Variants in ZC3H12B observed in about 807,000 individuals in gnomAD.
ZC3H12B encodes the protein probable ribonuclease ZC3H12B.
A neutral mutation model predicts 43.9 loss-of-function variants in ZC3H12B; 7 were observed. That is an observed-to-expected ratio of 0.16 (90% confidence interval 0.09 to 0.30). The LOEUF (loss-of-function observed/expected upper bound fraction) is 0.30, where lower values mean the gene tolerates loss of function less well. Ranked by LOEUF, ZC3H12B falls within the 10% of genes least tolerant of loss-of-function variation. ZC3H12B has a pLI of 1.00. For missense variants in ZC3H12B, 475 were observed against 670.2 expected (o/e 0.71, Z 3.22); for synonymous variants, 222 against 241.7 (o/e 0.92, Z 0.76).
the ZC3H12B span, among the ~76,000 whole-genome samples, chrX:65,217,196 G>A: frequency 8.9e-6 from 1 of 112,324 alleles, no homozygotes; most frequent in Non-Finnish European, 1.9e-5. Context: ...CAGCAAGCGT[G>A]CGTATCCAGG....
chrX:65,201,539 A>G, the ZC3H12B span, among the ~76,000 whole-genome samples: 1 of 109,680 alleles, frequency 9.1e-6, no homozygotes, highest in African/African-American at 3.3e-5. Context: ...TTGTGCCTCT[A>G]TCTTTTTCAG....
At chrX:65,466,891 T>C (rs1308789337) in intron 3 of ZC3H12B, among the ~76,000 whole-genome samples, 2 of 85,581 alleles carry the variant, frequency 2.3e-5, no homozygotes, top group East Asian at 3.7e-4. Context: ...TATTTATATA[T>C]ATGTAACTAT....
At chrX:65,087,589 G>A in the ZC3H12B span, among the ~76,000 whole-genome samples, 9 of 111,455 alleles carry the variant, frequency 8.1e-5, no homozygotes, top group African/African-American at 2.3e-4. Flanking sequence ...AATTTTAGGA[G>A]TGCTCGTATT....
intron 4 of ZC3H12B, among the ~76,000 whole-genome samples, chrX:65,501,422 G>T (rs1232309102): frequency 1.8e-5 from 2 of 108,529 alleles, no homozygotes; most frequent in African/African-American, 3.4e-5. Flanking sequence ...AGCTAATTTT[G>T]TTTGTATTTT....
chrX:65,492,741 G>A (rs1371324655), intron 1 of ZC3H12B, among the ~76,000 whole-genome samples: 1 of 111,829 alleles, frequency 8.9e-6, no homozygotes, highest in Non-Finnish European at 1.9e-5. Flanking sequence ...GGTGAGATTG[G>A]TATTTCTTAG....
chrX:65,127,438 G>C, the ZC3H12B span, among the ~76,000 whole-genome samples: 1 of 111,531 alleles, frequency 9.0e-6, no homozygotes, highest in Non-Finnish European at 1.9e-5. Context: ...GATGGTTCTT[G>C]GTTGTGTTTT....
At chrX:65,469,275 T>C (rs1016123789) in intron 3 of ZC3H12B, 7 of 264,752 alleles carry the variant, frequency 2.6e-5, no homozygotes, top group East Asian at 7.7e-5. Flanking sequence ...CAACGCTGTG[T>C]CCTGGTGCTC....
the ZC3H12B span, among the ~76,000 whole-genome samples, chrX:65,161,860 CT>C: frequency 1.8e-5 from 2 of 111,653 alleles, no homozygotes; most frequent in Non-Finnish European, 3.8e-5. Flanking sequence ...TCTTCCTAGC[CT>C]CGATGGTCTT....
At chrX:65,347,445 CAAAAG>C in the ZC3H12B span, among the ~76,000 whole-genome samples, 1 of 111,748 alleles carries the variant, frequency 8.9e-6, no homozygotes, top group Non-Finnish European at 1.9e-5. Flanking sequence ...AGACAGTTCT[CAAAAG>C]AAGACATTTA....
chrX:65,288,313 G>A, the ZC3H12B span, among the ~76,000 whole-genome samples: 2 of 110,824 alleles, frequency 1.8e-5, no homozygotes, highest in African/African-American at 6.6e-5. Context: ...AATAAGGCCA[G>A]CAATTACCCT....
At chrX:65,119,278 T>G in the ZC3H12B span, among the ~76,000 whole-genome samples, 1 of 111,284 alleles carries the variant, frequency 9.0e-6, no homozygotes. Flanking sequence ...AGTGTAAAAG[T>G]GTTCCTATTT....
chrX:65,173,116 C>A, the ZC3H12B span, among the ~76,000 whole-genome samples: 2 of 111,609 alleles, frequency 1.8e-5, no homozygotes, highest in African/African-American at 6.5e-5. Flanking sequence ...ATTTGTAGTT[C>A]TCTTTGAAGA....
At chrX:65,212,508 A>T in the ZC3H12B span, among the ~76,000 whole-genome samples, 1 of 71,286 alleles carries the variant, frequency 1.4e-5, no homozygotes, top group Non-Finnish European at 2.4e-5. Flanking sequence ...TACATATTAT[A>T]TACAATATTT....
intron 3 of ZC3H12B, among the ~76,000 whole-genome samples, chrX:65,478,035 T>C (rs1417485004): frequency 9.0e-6 from 1 of 111,502 alleles, no homozygotes; most frequent in East Asian, 2.8e-4. Context: ...TTTCAGTTAT[T>C]GTCCTTTTCA....
chrX:65,378,815 G>T (rs185568437), intron 2 of ZC3H12B, among the ~76,000 whole-genome samples: 1 of 112,762 alleles, frequency 8.9e-6, no homozygotes, highest in African/African-American at 3.2e-5. Flanking sequence ...GGGTCAGGGA[G>T]TTCCCTTTCC....
the ZC3H12B span, among the ~76,000 whole-genome samples, chrX:65,256,916 C>A: frequency 8.9e-6 from 1 of 112,086 alleles, no homozygotes; most frequent in African/African-American, 3.2e-5. Flanking sequence ...CCATCTCACA[C>A]CAGTTAGAAT....
upstream of ZC3H12B, among the ~76,000 whole-genome samples, chrX:65,484,335 T>C (rs751339987): frequency 8.4e-4 from 94 of 111,785 alleles, no homozygotes; most frequent in African/African-American, 2.9e-3. Context: ...AACCTGCACA[T>C]GTAGCCCTGA....
the ZC3H12B span, among the ~76,000 whole-genome samples, chrX:65,161,109 C>G: frequency 9.0e-6 from 1 of 111,326 alleles, no homozygotes; most frequent in Non-Finnish European, 1.9e-5. Flanking sequence ...AGTTTGATTG[C>G]ACTGTGGTCT....
the ZC3H12B span, among the ~76,000 whole-genome samples, chrX:65,305,019 A>T: frequency 1.8e-5 from 2 of 112,085 alleles, no homozygotes; most frequent in Admixed American, 1.9e-4. Context: ...TTATCAATGA[A>T]GATATGGAGA....
Sources: gnomAD v4.1 joint callset for allele counts (sites outside exome capture counted in the v4.1 genomes callset) on GRCh38, gnomAD v4.1.1 for gene constraint, MANE v1.5 for transcripts, NCBI Gene and HGNC (gene_info 2026-07-23, HGNC 2026-07-21) for gene names.